Variants in CDH13 observed in about 807,000 individuals in gnomAD.
CDH13 encodes cadherin 13.
CDH13 carries 24 observed loss-of-function variants against 63.8 expected under a neutral mutation model. That is an observed-to-expected ratio of 0.38 (90% CI 0.27 to 0.53). The LOEUF is 0.53. Ranked by LOEUF, CDH13 falls within the 20% of genes least tolerant of loss-of-function variation. The pLI is 0.85. For missense variants in CDH13, 1,049 were observed against 903.1 expected, an observed-to-expected ratio of 1.16 and a Z score of -2.07; for synonymous variants, 503 against 355.3, an observed-to-expected ratio of 1.42 and a Z score of -4.67.
chr16:83,415,751 C>A (rs1377264697), intron 6 of CDH13, among the ~76,000 whole-genome samples: 3 of 152,000 alleles, frequency 2.0e-5, no homozygotes. Flanking sequence ...AGGAAAGTAC[C>A]TCAACATAAT....
intron 4 of CDH13, among the ~76,000 whole-genome samples, chr16:83,200,678 C>G (rs1420927168): frequency 2.0e-5 from 3 of 151,764 alleles, no homozygotes; most frequent in Non-Finnish European, 4.4e-5. Context: ...GAACTTAAAT[C>G]TACATATACC....
intron 5 of CDH13, among the ~76,000 whole-genome samples, chr16:83,307,388 A>T (rs774033220): frequency 6.6e-6 from 1 of 152,186 alleles, no homozygotes; most frequent in African/African-American, 2.4e-5. Flanking sequence ...AGGCAGTGCT[A>T]CCTCACTTCC....
intron 2 of CDH13, among the ~76,000 whole-genome samples, chr16:83,007,191 G>A (rs1311350741): frequency 6.6e-6 from 1 of 152,030 alleles, no homozygotes; most frequent in African/African-American, 2.4e-5. Context: ...CAGAGTGCTG[G>A]GATTACAGGC....
rs187639648 is a variant in CDH13, at chr16:82,894,622, A to T, written c.157+36149A>T. On this transcript the variant is annotated intron_variant, in intron 2 of 13. Coordinates refer to ENST00000567109, the MANE Select transcript of CDH13 (RefSeq NM_001257.5). ...GTGCCACTGCACTCCAGCCTGGGCA[A>T]CACAGCAAAACCTCCATCTCAAAAA... Among the ~76,000 whole-genome samples the T allele has an allele frequency of 5.1e-3, 780 of 152,332 alleles. 12 individuals are homozygous for T. Among genetic ancestry groups the T allele is most frequent in the Non-Finnish European group, 3.8e-3 (258 of 68,032 alleles).
chr16:83,281,908 G>A (rs537334906), intron 5 of CDH13, among the ~76,000 whole-genome samples: 21 of 152,194 alleles, frequency 1.4e-4, no homozygotes, highest in South Asian at 8.3e-4. Context: ...GCGGGACTCC[G>A]TTTCTAAATA....
intron 8 of CDH13, among the ~76,000 whole-genome samples, chr16:83,624,580 C>G (rs1282592874): frequency 6.6e-6 from 1 of 152,168 alleles, no homozygotes; most frequent in Admixed American, 6.5e-5. Context: ...CACCACTGAT[C>G]TGACAGGAGG....
At chr16:83,395,435 T>A (rs905629074) in intron 6 of CDH13, among the ~76,000 whole-genome samples, 2 of 152,152 alleles carry the variant, frequency 1.3e-5, no homozygotes, top group African/African-American at 4.8e-5. Context: ...CCATCAGTGA[T>A]GTCTGGAAGG....
intron 6 of CDH13, among the ~76,000 whole-genome samples, chr16:83,433,955 A>T (rs189644834): frequency 6.6e-6 from 1 of 152,096 alleles, no homozygotes; most frequent in African/African-American, 2.4e-5. Context: ...GGGGGAATCA[A>T]TCTTTTCTAT....
At position 83,121,995 on chromosome 16, in the gene CDH13, C is replaced by G. The variant is rs549138115; in HGVS notation, c.367-3390C>G. 1.8e-3 allele frequency among the ~76,000 whole-genome samples: 273 copies of G among 151,146 alleles called. 1 individual carries two copies. Among genetic ancestry groups the G allele is most frequent in the African/African-American group, 6.4e-3 (264 of 41,030 alleles). The stretch of plus-strand genomic sequence containing the variant: ...ACACACACACACACACACACACACA[C>G]TTTTATGGGGCCTTGGGGCCAAAGA... On this transcript the variant is annotated intron_variant, in intron 3 of 13. Transcript: ENST00000567109.
intron 2 of CDH13, among the ~76,000 whole-genome samples, chr16:83,012,361 T>A (rs1914252177): frequency 6.7e-6 from 1 of 149,220 alleles, no homozygotes; most frequent in African/African-American, 2.5e-5. Context: ...AAAGAAATAG[T>A]GCTTTGCTTT....
chr16:83,259,297 C>T (rs995950677), intron 5 of CDH13, among the ~76,000 whole-genome samples: 1 of 152,168 alleles, frequency 6.6e-6, no homozygotes, highest in African/African-American at 2.4e-5. Flanking sequence ...TGCTTCTCAG[C>T]ATGAAATGGG....
At position 83,047,445 on chromosome 16, in the gene CDH13, A is replaced by C. The variant is rs1029115862; in HGVS notation, c.366+15227A>C. On this transcript the variant is annotated intron_variant, in intron 3 of 13. Coordinates refer to ENST00000567109, the MANE Select transcript of CDH13 (RefSeq NM_001257.5). This position sits in a 1 kb window ranked among gnomAD's most constrained non-coding sequence, Gnocchi z 4.9. ...CCTAGTCTGTAAGAGCGTGACCACC[A>C]GTCTTATTTACCTTGTTATCTGTAA... is the stretch of plus-strand genomic sequence containing the variant. Among the ~76,000 whole-genome samples the C allele has an allele frequency of 6.6e-6, 1 of 152,122 alleles. No individual in the cohort carries two copies. Among genetic ancestry groups the C allele is most frequent in the African/African-American group, 2.4e-5 (1 of 41,408 alleles).
intron 1 of CDH13, among the ~76,000 whole-genome samples, chr16:82,754,961 A>T (rs1219484413): frequency 6.6e-6 from 1 of 152,216 alleles, no homozygotes; most frequent in Non-Finnish European, 1.5e-5. Context: ...TTAAGGAGAA[A>T]CTCAAGCCAA....
chr16:83,157,738 TAAAAAA>T (rs58336254), intron 4 of CDH13, among the ~76,000 whole-genome samples: 11,893 of 99,394 alleles, frequency 0.12, 545 homozygotes, highest in Admixed American at 0.16. Flanking sequence ...ACTAGAAATA[TAAAAAA>T]AAAAAAAAAA....
intron 6 of CDH13, among the ~76,000 whole-genome samples, chr16:83,408,638 A>G (rs1297596871): frequency 1.3e-5 from 2 of 152,224 alleles, no homozygotes; most frequent in Non-Finnish European, 2.9e-5. Flanking sequence ...GTGGCCCATC[A>G]TTGACTGATA....
At chr16:83,089,239 C>G (rs2033771767) in intron 3 of CDH13, among the ~76,000 whole-genome samples, 2 of 152,228 alleles carry the variant, frequency 1.3e-5, no homozygotes, top group South Asian at 4.1e-4. Flanking sequence ...TTCCAGCCCA[C>G]TAACGTCACA....
intron 2 of CDH13, among the ~76,000 whole-genome samples, chr16:83,013,623 A>G (rs939936624): frequency 5.3e-5 from 8 of 152,234 alleles, no homozygotes; most frequent in African/African-American, 1.7e-4. Context: ...AGATGAACAG[A>G]AAATCAGAAA....
chr16:82,995,237 A>G (rs1177563363), intron 2 of CDH13, among the ~76,000 whole-genome samples: 2 of 152,180 alleles, frequency 1.3e-5, no homozygotes, highest in African/African-American at 2.4e-5. Flanking sequence ...GAATCTCGCT[A>G]TAGTCATCCT....
rs541285506 is a variant in CDH13 at position 83,775,522 on chromosome 16, A to G, written c.1682-4446A>G. Among the ~76,000 whole-genome samples, 17 of 152,238 alleles carry G rather than the reference A, an allele frequency of 1.1e-4. No homozygotes were observed. In the South Asian group the frequency reaches 3.5e-3, roughly 32 times the overall value. ...GATCCTTAAAATGGCTACCATGAGA[A>G]CATGGCCCCTGGGCTCCCTCCAGAA... On this transcript the variant is annotated intron_variant, in intron 11 of 13. Transcript: ENST00000567109.
Sources: gnomAD v4.1 joint callset for allele counts (sites outside exome capture counted in the v4.1 genomes callset) on GRCh38, gnomAD v4.1.1 for gene constraint, Gnocchi (gnomAD v3.1) non-coding constraint, MANE v1.5 for transcripts, NCBI Gene and HGNC (gene_info 2026-07-23, HGNC 2026-07-21) for gene names.